The following TDRD12 variants were observed in gnomAD, a reference collection of about 807,000 sequenced individuals.
TDRD12 encodes the protein tudor domain containing 12, also known as putative ATP-dependent RNA helicase TDRD12.
TDRD12 carries 158 observed loss-of-function variants against 133.5 expected under a neutral mutation model. The ratio of observed to expected loss-of-function variants is 1.18; its 90% CI spans 1.04 to 1.35. The LOEUF (loss-of-function observed/expected upper bound fraction) is 1.35, where lower values mean the gene tolerates loss of function less well. TDRD12 is among the 40% of genes most tolerant of loss of function. The pLI is 0.00. For synonymous variants in TDRD12, 460 were observed against 477.9 expected (o/e 0.96, Z 0.49); for missense variants, 1,443 against 1,321.3 (o/e 1.09, Z -1.43).
chr19:32,796,156 C>A, intron 14 of TDRD12: 1 of 985,328 alleles, frequency 1.0e-6, no homozygotes, highest in Non-Finnish European at 1.2e-6. Context: ...ACCTGCATCT[C>A]GGGGCCTGGC....
At chr19:32,779,066 G>A (rs1327829398) in intron 11 of TDRD12, among the ~76,000 whole-genome samples, 1 of 152,184 alleles carries the variant, frequency 6.6e-6, no homozygotes, top group East Asian at 1.9e-4. Flanking sequence ...GCTGCACTGC[G>A]TCCAAAGCCT....
chr19:32,829,409 A>G (rs1967686691), downstream of TDRD12: 1 of 152,214 alleles, frequency 6.6e-6, no homozygotes, highest in Non-Finnish European at 1.5e-5. Context: ...ACAATTAGTC[A>G]TTGGTTTTCT....
At chr19:32,762,909 G>A (rs1466474807) in intron 8 of TDRD12, among the ~76,000 whole-genome samples, 3 of 152,186 alleles carry the variant, frequency 2.0e-5, no homozygotes, top group Non-Finnish European at 2.9e-5. Flanking sequence ...ATATGGTATA[G>A]CCTATGGCTC....
At chr19:32,751,703 A>G (rs1969833125) in intron 6 of TDRD12, among the ~76,000 whole-genome samples, 1 of 151,290 alleles carries the variant, frequency 6.6e-6, no homozygotes, top group Non-Finnish European at 1.5e-5. Flanking sequence ...CCTCAACTTC[A>G]CAAGTAGCTG....
rs1162768597 is a variant in TDRD12, at chr19:32,794,779, G to GA, written c.1440dup (p.Ala481SerfsTer9). 8.5e-6 allele frequency: 6 copies of GA among 703,392 alleles called. No individual in the cohort carries two copies. Among genetic ancestry groups the GA allele is most frequent in the Non-Finnish European group, 1.6e-5 (6 of 385,040 alleles). 43.6% of individuals were successfully genotyped at this position (703,392 alleles called of 1,614,324 possible). A position where few individuals can be genotyped will look rare whatever the true frequency, so the allele number is the denominator to read the frequency against. On this transcript the variant is annotated frameshift_variant, in exon 14 of 28. Coordinates refer to ENST00000444215, the Ensembl canonical transcript of TDRD12. LOFTEE classifies it high-confidence loss of function. ...CCAGTGTTGACAGTTTTGCAAACAG[G>GA]AGCCTGCTACAAGTCATTACCAAGT...
chr19:32,807,437 T>C, intron 21 of TDRD12, 112 bp from the exon 22 acceptor site: 2 of 633,808 alleles, frequency 3.2e-6, no homozygotes, highest in Non-Finnish European at 5.1e-6. Context: ...TTAGGGTGTT[T>C]GGAATAAAAG....
At chr19:32,722,624 A>T (rs1321233088) in intron 1 of TDRD12, among the ~76,000 whole-genome samples, 3 of 151,718 alleles carry the variant, frequency 2.0e-5, no homozygotes, top group African/African-American at 7.3e-5. Context: ...TCTTTGTCTG[A>T]CTCACAGTCA....
chr19:32,761,764 A>G (rs926533820), intron 8 of TDRD12, among the ~76,000 whole-genome samples: 9 of 151,970 alleles, frequency 5.9e-5, no homozygotes, highest in African/African-American at 2.2e-4. Context: ...ATCTCAGCTC[A>G]TGGCAACCTC....
At chr19:32,759,170 A>C (rs1300786644) in intron 8 of TDRD12, among the ~76,000 whole-genome samples, 1 of 152,228 alleles carries the variant, frequency 6.6e-6, no homozygotes, top group Non-Finnish European at 1.5e-5. Flanking sequence ...ATGAGAAACT[A>C]GGATGTAAAA....
intron 3 of TDRD12, among the ~76,000 whole-genome samples, chr19:32,740,877 C>T (rs372255482): frequency 9.7e-4 from 147 of 152,312 alleles, no homozygotes; most frequent in African/African-American, 3.5e-3. Context: ...TGGTGCTGTG[C>T]AGTCTTCACT....
At chr19:32,800,615 G>A in intron 17 of TDRD12, 29 bp from the exon 18 acceptor site, 1 of 1,511,984 alleles carries the variant, frequency 6.6e-7, no homozygotes, top group Non-Finnish European at 8.8e-7. Context: ...ATATTAAAAA[G>A]TCACATTGTT....
intron 27 of TDRD12, among the ~76,000 whole-genome samples, chr19:32,818,500 C>A (rs1260386666): frequency 6.6e-6 from 1 of 152,184 alleles, no homozygotes; most frequent in Non-Finnish European, 1.5e-5. Flanking sequence ...GGCTAGGGGA[C>A]AAGACTGTGC....
At chr19:32,739,675 GCTC>G (rs1568450593) in intron 3 of TDRD12, among the ~76,000 whole-genome samples, 11 of 125,098 alleles carry the variant, frequency 8.8e-5, no homozygotes, top group African/African-American at 3.5e-4. Context: ...ATCTCCTGCT[GCTC>G]TCTGCATCTC....
chr19:32,812,705 G>A (rs759291466), intron 24 of TDRD12, among the ~76,000 whole-genome samples: 8 of 152,250 alleles, frequency 5.3e-5, no homozygotes, highest in Admixed American at 2.6e-4. Flanking sequence ...TCTTGAAGGA[G>A]CAGCCTTCTG....
At chr19:32,804,071 T>A (rs1035727905) in intron 21 of TDRD12, among the ~76,000 whole-genome samples, 1 of 152,042 alleles carries the variant, frequency 6.6e-6, no homozygotes, top group East Asian at 1.9e-4. Context: ...TTAATTTTGA[T>A]GAAGTTTTTT....
intron 18 of TDRD12, among the ~76,000 whole-genome samples, 176 bp from the exon 19 acceptor site, chr19:32,801,580 G>A (rs1332815817): frequency 6.6e-6 from 1 of 152,108 alleles, no homozygotes; most frequent in African/African-American, 2.4e-5. Flanking sequence ...ATAAACAACC[G>A]AATTTTGGAA....
chr19:32,806,471 A>T (rs8100979), intron 21 of TDRD12, among the ~76,000 whole-genome samples: 101,792 of 151,208 alleles, frequency 0.67, 36,060 homozygotes, highest in African/African-American at 0.9. Flanking sequence ...GCCTCCTGAG[A>T]AGCTGGGATC....
At chr19:32,800,569 C>A in intron 17 of TDRD12, 75 bp from the exon 18 acceptor site, 2 of 1,271,824 alleles carry the variant, frequency 1.6e-6, no homozygotes, top group Admixed American at 3.1e-5. Flanking sequence ...TATTAAAATC[C>A]CAACACCTGT....
intron 14 of TDRD12, among the ~76,000 whole-genome samples, chr19:32,795,713 A>G (rs1365968611): frequency 6.6e-6 from 1 of 152,232 alleles, no homozygotes; most frequent in Non-Finnish European, 1.5e-5. Context: ...AGAGAGGCTT[A>G]ACTGGCTCAT....
Sources: gnomAD v4.1 joint callset for allele counts (sites outside exome capture counted in the v4.1 genomes callset) on GRCh38, gnomAD v4.1.1 for gene constraint, MANE v1.5 for transcripts, NCBI Gene and HGNC (gene_info 2026-07-23, HGNC 2026-07-21) for gene names.